The following ZNF736 variants were observed in gnomAD, a reference collection of about 807,000 sequenced individuals.
ZNF736 encodes KRAB-containing zinc-finger repressor protein.
In ZNF736, 6 loss-of-function variants were observed where a neutral mutation model predicts 11.7. The observed-to-expected ratio is 0.51, with a 90% CI of 0.28 to 1.01. The LOEUF (loss-of-function observed/expected upper bound fraction) is 1.01, where lower values mean the gene tolerates loss of function less well. ZNF736 is among the 50% of genes least tolerant of loss of function. ZNF736 has a pLI of 0.09. For synonymous variants in ZNF736, 139 were observed against 164.7 expected, an observed-to-expected ratio of 0.84 and a Z score of 1.19; for missense variants, 444 against 496.0, an observed-to-expected ratio of 0.90 and a Z score of 1.00.
At chr7:64,334,568 G>A (rs2115923753) in intron 1 of ZNF736, among the ~76,000 whole-genome samples, 1 of 152,304 alleles carries the variant, frequency 6.6e-6, no homozygotes, top group African/African-American at 2.4e-5. Context: ...TTAGAGGAAT[G>A]CAAATCAAAA....
In ZNF736 at chr7:64,353,878, G is replaced by A. The variant is rs979604452; in HGVS notation, c.*4731G>A. 1.3e-5 allele frequency: 2 copies of A among 152,204 alleles called. No individual in the cohort carries two copies. The highest frequency in any genetic ancestry group is 2.9e-5 in the Non-Finnish European group (2 of 68,036). 9.4% of individuals were successfully genotyped at this position (152,204 alleles called of 1,614,324 possible). On this transcript the variant is annotated 3_prime_UTR_variant, in exon 4 of 4. Transcript: ENST00000423484. Reference sequence around the variant, plus strand: ...CAAAATGCCTTTTTAATGACAATGTGTGAACTTAATTTGTTTTAATAAACC... The same window carrying A: ...CAAAATGCCTTTTTAATGACAATGTATGAACTTAATTTGTTTTAATAAACC...
intron 1 of ZNF736, among the ~76,000 whole-genome samples, chr7:64,333,683 T>G (rs1363260605): frequency 6.6e-6 from 1 of 151,716 alleles, no homozygotes; most frequent in Non-Finnish European, 1.5e-5. Flanking sequence ...TGCTCATGGA[T>G]AGGAAGAATC....
At chr7:64,332,382 A>G (rs913911888) in intron 1 of ZNF736, among the ~76,000 whole-genome samples, 1 of 152,138 alleles carries the variant, frequency 6.6e-6, no homozygotes, top group African/African-American at 2.4e-5. Context: ...GTTTTTATTA[A>G]GGGTTTCAAA....
intron 3 of ZNF736, among the ~76,000 whole-genome samples, chr7:64,338,713 G>A (rs1365365160): frequency 7.4e-6 from 1 of 135,374 alleles, no homozygotes; most frequent in Non-Finnish European, 1.6e-5. Context: ...TTGTATACAT[G>A]CCATGTTTTT....
intron 3 of ZNF736, among the ~76,000 whole-genome samples, chr7:64,338,909 A>G (rs1446316421): frequency 2.0e-5 from 3 of 152,034 alleles, no homozygotes; most frequent in South Asian, 2.1e-4. Context: ...GAACCTACAT[A>G]CTAGATTTCA....
chr7:64,328,850 A>G (rs1789118897), intron 1 of ZNF736, among the ~76,000 whole-genome samples: 3 of 152,026 alleles, frequency 2.0e-5, no homozygotes, highest in Admixed American at 2.0e-4. Flanking sequence ...CTTTTTTTTT[A>G]GGTATGGGAA....
chr7:64,331,337 C>A (rs1314424369), intron 1 of ZNF736, among the ~76,000 whole-genome samples: 2 of 152,200 alleles, frequency 1.3e-5, no homozygotes, highest in Admixed American at 1.3e-4. Context: ...TGACAGGCAG[C>A]ACTGAGTTTT....
At chr7:64,329,830 G>A (rs111259373) in intron 1 of ZNF736, among the ~76,000 whole-genome samples, 79 of 152,270 alleles carry the variant, frequency 5.2e-4, no homozygotes, top group African/African-American at 1.7e-3. Flanking sequence ...CCAGGCTCAT[G>A]TCCTTTCCTT....
At position 64,355,214 on chromosome 7, in the gene ZNF736, C is replaced by A; in HGVS notation, c.*6067C>A. The stretch of plus-strand genomic sequence containing the variant: ...AGAGGCCAATTCTATGCAGTCAAAC[C>A]TGGAATTGCTGACACAGGTTAAGAG... On this transcript the variant is annotated 3_prime_UTR_variant, in exon 4 of 4. Coordinates refer to ENST00000423484, the MANE Select transcript of ZNF736 (RefSeq NM_001170905.3). The A allele has an allele frequency of 5.8e-6, 1 of 171,430 alleles. No individual in the cohort carries two copies. The highest frequency in any genetic ancestry group is 1.8e-4 in the East Asian group (1 of 5,472). 10.6% of individuals were successfully genotyped at this position (171,430 alleles called of 1,614,324 possible).
intron 1 of ZNF736, among the ~76,000 whole-genome samples, chr7:64,335,619 A>G (rs1332493643): frequency 6.6e-6 from 1 of 152,214 alleles, no homozygotes; most frequent in Non-Finnish European, 1.5e-5. Flanking sequence ...TGCAAAAACA[A>G]GATTTAGCCA....
intron 1 of ZNF736, among the ~76,000 whole-genome samples, chr7:64,332,716 G>A (rs1345206949): frequency 2.0e-5 from 3 of 152,042 alleles, no homozygotes; most frequent in African/African-American, 7.2e-5. Context: ...TCCCAGAGCT[G>A]CCGTTTATAG....
chr7:64,332,355 G>C (rs117124198), intron 1 of ZNF736, among the ~76,000 whole-genome samples: 2,413 of 152,246 alleles, frequency 0.016, 37 homozygotes, highest in Non-Finnish European at 0.023. Context: ...ATACCCACCT[G>C]AGTCTCAGAC....
intron 3 of ZNF736, among the ~76,000 whole-genome samples, chr7:64,338,882 T>A (rs1789296940): frequency 6.6e-6 from 1 of 152,036 alleles, no homozygotes; most frequent in Non-Finnish European, 1.5e-5. Flanking sequence ...AGCAGTACTA[T>A]TAAAAAATTT....
chr7:64,318,271 AC>A (rs1184715153), intron 1 of ZNF736, among the ~76,000 whole-genome samples: 2 of 151,960 alleles, frequency 1.3e-5, no homozygotes, highest in Admixed American at 1.3e-4. Context: ...ATTTTGTCTT[AC>A]TTGGAGATAA....
At chr7:64,337,755 GGT>G (rs1562673571) in intron 3 of ZNF736, among the ~76,000 whole-genome samples, 1 of 86,256 alleles carries the variant, frequency 1.2e-5, no homozygotes, top group Non-Finnish European at 2.0e-5. Flanking sequence ...TGTTTTTTTT[GGT>G]TTTTTTTTTT....
intron 3 of ZNF736, among the ~76,000 whole-genome samples, chr7:64,345,526 C>T (rs1332040324): frequency 2.6e-5 from 4 of 151,158 alleles, no homozygotes; most frequent in Admixed American, 1.3e-4. Context: ...GTAAGGAGAT[C>T]GAGACCATCC....
intron 1 of ZNF736, among the ~76,000 whole-genome samples, chr7:64,323,972 A>C (rs1294156010): frequency 6.6e-6 from 1 of 152,204 alleles, no homozygotes; most frequent in African/African-American, 2.4e-5. Context: ...ACACATACCA[A>C]CTATTTGAAA....
At chr7:64,329,751 TGACCA>T (rs1789134185) in intron 1 of ZNF736, among the ~76,000 whole-genome samples, 4 of 151,608 alleles carry the variant, frequency 2.6e-5, no homozygotes, top group Non-Finnish European at 5.9e-5. Flanking sequence ...AGGCCCACAG[TGACCA>T]CTACCTAGCT....
chr7:64,329,266 T>C (rs903812711), intron 1 of ZNF736, among the ~76,000 whole-genome samples: 9 of 151,904 alleles, frequency 5.9e-5, no homozygotes, highest in Non-Finnish European at 1.3e-4. Flanking sequence ...ATTTAGCTCA[T>C]TTAATGAGGT....
Sources: allele counts gnomAD v4.1 joint callset (sites outside exome capture counted in the v4.1 genomes callset), GRCh38; gene constraint gnomAD v4.1.1; transcripts MANE v1.5; gene names NCBI Gene and HGNC (gene_info 2026-07-23, HGNC 2026-07-21).